Variants in OR4D1 observed in about 807,000 individuals in gnomAD.
OR4D1 encodes the protein olfactory receptor 4D1.
OR4D1 carries 10 observed loss-of-function variants against 14.2 expected under a neutral mutation model. That is an observed-to-expected ratio of 0.71 (90% CI 0.44 to 1.20). The LOEUF (loss-of-function observed/expected upper bound fraction) is 1.20, where lower values mean the gene tolerates loss of function less well. Among genes scored for constraint, OR4D1 ranks in the 50% most tolerant of loss-of-function variants. OR4D1 has a pLI of 0.00. For synonymous variants in OR4D1, 141 were observed against 147.4 expected (o/e 0.96, Z 0.32); for missense variants, 345 against 376.6 (o/e 0.92, Z 0.70).
intron 2 of OR4D1, among the ~76,000 whole-genome samples, chr17:58,151,452 T>C (rs185574756): frequency 1.1e-3 from 169 of 152,292 alleles, no homozygotes; most frequent in African/African-American, 3.4e-3. Flanking sequence ...GTGTGTGTTT[T>C]TTCCCCTCAC....
chr17:58,158,443 A>ACC lies in OR4D1; in HGVS notation c.*2358_*2359insCC, dbSNP rs1967805779. ...ACCATATTTGTTCCTATCTCTCCCC[A>ACC]CGCCCACCCCCCCCCCACACACACA... is the stretch of plus-strand genomic sequence containing the variant. On this transcript the variant is annotated 3_prime_UTR_variant, in exon 4 of 4. Transcript: ENST00000268912. The ACC allele has an allele frequency of 5.5e-5, 5 of 90,706 alleles. No homozygotes were observed. The highest frequency in any genetic ancestry group is 5.1e-4 in the South Asian group (1 of 1,972). The allele number at this position is 90,706 out of a possible 1,614,324, so 5.6% of individuals were successfully genotyped here. A position where few individuals can be genotyped will look rare whatever the true frequency, so the allele number is the denominator to read the frequency against.
Position 58,155,488 on chromosome 17 carries a change from T to C in OR4D1, c.335T>C (p.Val112Ala). Residue 112 changes from valine to alanine, a missense_variant, in exon 4 of 4, where the codon GTC (valine) becomes GCC (alanine). Physicochemically the swap from Val to Ala is moderately conservative, Grantham distance 64. Coordinates refer to ENST00000268912, the MANE Select transcript of OR4D1 (RefSeq NM_001386095.1). ...TTCCACCTTTTGGGAGGTGGGACTGTCTTTTTTCTCTCAGTCATGGCCTAT... is the reference window on the plus strand; with the variant it reads ...TTCCACCTTTTGGGAGGTGGGACTGCCTTTTTTCTCTCAGTCATGGCCTAT... The part of the protein sequence containing the change: ...FFFHLLGGGT[V>A]FFLSVMAYDR... The C allele has an allele frequency of 6.2e-7, 1 of 1,614,206 alleles. No homozygotes were observed. Among genetic ancestry groups the C allele is most frequent in the South Asian group, 1.1e-5 (1 of 91,080 alleles).
At position 58,157,158 on chromosome 17, in the gene OR4D1, T is replaced by C; in HGVS notation, c.*1072T>C. The C allele has an allele frequency of 6.8e-7, 1 of 1,461,318 alleles. No homozygotes were observed. The highest frequency in any genetic ancestry group is 9.1e-7 in the Non-Finnish European group (1 of 1,102,458). The allele number at this position is 1,461,318 out of a possible 1,614,324, so 90.5% of individuals were successfully genotyped here. A position where few individuals can be genotyped will look rare whatever the true frequency, so the allele number is the denominator to read the frequency against. ...GCCCTACAGTGTGGATGCGCTCGTGTCGGACAAGAAGCCGCCCAAGGAGGC... is the reference window on the plus strand; with the variant it reads ...GCCCTACAGTGTGGATGCGCTCGTGCCGGACAAGAAGCCGCCCAAGGAGGC... On this transcript the variant is annotated 3_prime_UTR_variant, in exon 4 of 4. Coordinates refer to ENST00000268912, the MANE Select transcript of OR4D1 (RefSeq NM_001386095.1).
rs1967789871 is a variant in OR4D1, at chr17:58,157,354, C to A, written c.*1268C>A. 4.9e-6 allele frequency: 7 copies of A among 1,422,944 alleles called. No individual in the cohort carries two copies. The Admixed American group carries it at 1.3e-4, about 26-fold the overall frequency. The allele number at this position is 1,422,944 out of a possible 1,614,324, so 88.1% of individuals were successfully genotyped here. ...AGACGGAGCGGCGTGGATGCAGGAA[C>A]CCTGCTGATAATTCGCCGCCGCCAA... On this transcript the variant is annotated 3_prime_UTR_variant, in exon 4 of 4. Coordinates refer to ENST00000268912, the MANE Select transcript of OR4D1 (RefSeq NM_001386095.1).
In OR4D1 at chr17:58,157,898, C is replaced by A; in HGVS notation, c.*1812C>A. 2 of 1,233,230 alleles carry A rather than the reference C, an allele frequency of 1.6e-6. No individual in the cohort carries two copies. The highest frequency in any genetic ancestry group is 2.4e-6 in the Non-Finnish European group (2 of 850,724). 76.4% of individuals were successfully genotyped at this position (1,233,230 alleles called of 1,614,324 possible). ...GGCAGGACCAGCCAATACTCCTGTT[C>A]TGCAAACCCTGAGTGCACCACCCTA... On this transcript the variant is annotated 3_prime_UTR_variant, in exon 4 of 4. Coordinates refer to ENST00000268912, the MANE Select transcript of OR4D1 (RefSeq NM_001386095.1).
rs939908937 is a variant in OR4D1 at position 58,158,452 on chromosome 17, C to CA, written c.*2366_*2367insA. 17 of 139,254 alleles carry CA rather than the reference C, an allele frequency of 1.2e-4. No homozygotes were observed. Among genetic ancestry groups the CA allele is most frequent in the African/African-American group, 3.9e-4 (15 of 38,458 alleles). The allele number at this position is 139,254 out of a possible 1,614,324, so 8.6% of individuals were successfully genotyped here. A position where few individuals can be genotyped will look rare whatever the true frequency, so the allele number is the denominator to read the frequency against. ...GTTCCTATCTCTCCCCACGCCCACC[C>CA]CCCCCCCACACACACATTTTTACAG... On this transcript the variant is annotated 3_prime_UTR_variant, in exon 4 of 4. Coordinates refer to ENST00000268912, the MANE Select transcript of OR4D1 (RefSeq NM_001386095.1).
At position 58,150,448 on chromosome 17, in the gene OR4D1, C is replaced by T. The variant is rs182297087; in HGVS notation, c.-127+652C>T. 5.1e-4 allele frequency among the ~76,000 whole-genome samples: 78 copies of T among 152,194 alleles called. 1 individual carries two copies. Among genetic ancestry groups the T allele is most frequent in the Admixed American group, 1.1e-3 (17 of 15,290 alleles). ...TTTGGCAGTAATTTCAAAGGAAGAA[C>T]GAATATGCCTTGGTGATAATACATG... On this transcript the variant is annotated intron_variant, in intron 2 of 3. Transcript: ENST00000268912.
At position 58,151,843 on chromosome 17, in the gene OR4D1, A is replaced by G. The variant is rs1717284998; in HGVS notation, c.-126-2014A>G. ...AATAATGTGATGAATATCCTTAAGC[A>G]TACATTTTTAAAAATTAGTTTTCAT... On this transcript the variant is annotated intron_variant, in intron 2 of 3. Coordinates refer to ENST00000268912, the MANE Select transcript of OR4D1 (RefSeq NM_001386095.1). Among the ~76,000 whole-genome samples the G allele has an allele frequency of 2.0e-5, 3 of 152,220 alleles. No homozygotes were observed. The South Asian group carries it at 6.2e-4, about 31-fold the overall frequency.
Position 58,157,610 on chromosome 17 carries a change from G to A in OR4D1, c.*1524G>A. 5.0e-6 allele frequency: 8 copies of A among 1,613,782 alleles called. No homozygotes were observed. The highest frequency in any genetic ancestry group is 6.8e-6 in the Non-Finnish European group (8 of 1,179,766). On this transcript the variant is annotated 3_prime_UTR_variant, in exon 4 of 4. Transcript: ENST00000268912. Reference sequence around the variant, plus strand: ...CAAGACGAAAAGACTGCAGGAGTCAGAACTGGAAAAGCTGAAAATGGCTGC... The same window carrying A: ...CAAGACGAAAAGACTGCAGGAGTCAAAACTGGAAAAGCTGAAAATGGCTGC...
In OR4D1 at chr17:58,152,113, C is replaced by T. The variant is rs906993406; in HGVS notation, c.-126-1744C>T. Among the ~76,000 whole-genome samples the T allele has an allele frequency of 2.0e-5, 3 of 152,076 alleles. No homozygotes were observed. The East Asian group carries it at 5.8e-4, about 29-fold the overall frequency. ...TAACTTTTTGGATAATTAGTAAATT[C>T]TAGATACATTTGAATTATTATTATA... On this transcript the variant is annotated intron_variant, in intron 2 of 3. Transcript: ENST00000268912.
chr17:58,157,317 G>A lies in OR4D1; in HGVS notation c.*1231G>A. On this transcript the variant is annotated 3_prime_UTR_variant, in exon 4 of 4. Coordinates refer to ENST00000268912, the MANE Select transcript of OR4D1 (RefSeq NM_001386095.1). ...CTTCGAGACCGCCTCGGTCAAGTGGGAAAACTCCCTAAGACGGAGCGGCGT... is the reference window on the plus strand; with the variant it reads ...CTTCGAGACCGCCTCGGTCAAGTGGAAAAACTCCCTAAGACGGAGCGGCGT... The A allele has an allele frequency of 6.7e-7, 1 of 1,499,522 alleles. No individual in the cohort carries two copies. Among genetic ancestry groups the A allele is most frequent in the Non-Finnish European group, 9.0e-7 (1 of 1,115,200 alleles). The allele number at this position is 1,499,522 out of a possible 1,614,324, so 92.9% of individuals were successfully genotyped here. A position where few individuals can be genotyped will look rare whatever the true frequency, so the allele number is the denominator to read the frequency against.
chr17:58,154,377 T>C lies in OR4D1; in HGVS notation c.-20+414T>C, dbSNP rs758905598. 2.6e-5 allele frequency among the ~76,000 whole-genome samples: 4 copies of C among 151,574 alleles called. No homozygotes were observed. The South Asian group carries it at 8.3e-4, about 31-fold the overall frequency. On this transcript the variant is annotated intron_variant, in intron 3 of 3. Transcript: ENST00000268912. ...AGATTGTCGAGGGATATGTGTATAA[T>C]AGAAAATTCGCATAAATTTTAGAAG...
chr17:58,155,547 T>C lies in OR4D1; in HGVS notation c.394T>C (p.Tyr132His), dbSNP rs1261590947. The C allele has an allele frequency of 6.2e-7, 1 of 1,614,156 alleles. No homozygotes were observed. Among genetic ancestry groups the C allele is most frequent in the Non-Finnish European group, 8.5e-7 (1 of 1,180,020 alleles). Residue 132 changes from tyrosine (Y) to histidine (H), a missense_variant, in exon 4 of 4, where the codon TAT (tyrosine) becomes CAT (histidine). Transcript: ENST00000268912. ...RYIAISQPLR[Y>H]VTIMNTQLCV... ...CATAGCCATCTCCCAGCCCCTCCGG[T>C]ATGTCACCATCATGAACACTCAATT...
rs1967805779 is a variant in OR4D1, at chr17:58,158,443, A to AC, written c.*2358dup. The AC allele has an allele frequency of 5.5e-5, 5 of 90,710 alleles. No homozygotes were observed. The highest frequency in any genetic ancestry group is 7.0e-5 in the African/African-American group (2 of 28,468). The allele number at this position is 90,710 out of a possible 1,614,324, so 5.6% of individuals were successfully genotyped here. ...ACCATATTTGTTCCTATCTCTCCCC[A>AC]CGCCCACCCCCCCCCCACACACACA... On this transcript the variant is annotated 3_prime_UTR_variant, in exon 4 of 4. Coordinates refer to ENST00000268912, the MANE Select transcript of OR4D1 (RefSeq NM_001386095.1).
chr17:58,157,055 G>A lies in OR4D1; in HGVS notation c.*969G>A. 8.0e-7 allele frequency: 1 copy of A among 1,254,606 alleles called. No individual in the cohort carries two copies. Among genetic ancestry groups the A allele is most frequent in the Non-Finnish European group, 1.1e-6 (1 of 904,306 alleles). 77.7% of individuals were successfully genotyped at this position (1,254,606 alleles called of 1,614,324 possible). On this transcript the variant is annotated 3_prime_UTR_variant, in exon 4 of 4. Transcript: ENST00000268912. ...TTTCGTCCAATGAGAAGGGGCCAGCGGTGGCGGTCGGGCCAGGTCCGGGGC... is the reference window on the plus strand; with the variant it reads ...TTTCGTCCAATGAGAAGGGGCCAGCAGTGGCGGTCGGGCCAGGTCCGGGGC...
rs745683840 is a variant in OR4D1, at chr17:58,155,120, A to G, written c.-19-15A>G. The G allele has an allele frequency of 1.6e-5, 23 of 1,470,236 alleles. No homozygotes were observed. Among genetic ancestry groups the G allele is most frequent in the South Asian group, 3.7e-5 (3 of 81,680 alleles). The allele number at this position is 1,470,236 out of a possible 1,614,324, so 91.1% of individuals were successfully genotyped here. On this transcript the variant is annotated splice_polypyrimidine_tract_variant and intron_variant, in intron 3 of 3. Transcript: ENST00000268912. ...TTTTTTTGTTTGTTTGTTTGTTTCAATGGTTTCTCTGTAGGAACGTGGGGG... is the reference window on the plus strand; with the variant it reads ...TTTTTTTGTTTGTTTGTTTGTTTCAGTGGTTTCTCTGTAGGAACGTGGGGG...
In OR4D1 at chr17:58,156,311, TG is replaced by T. The variant is rs1967773518; in HGVS notation, c.*226del. ...TGTCACCCAGGCTGGAGTGCAGTGGTGCAGTCTAGGCTCACTGCAACCTCCA... is the reference window on the plus strand; with the variant it reads ...TGTCACCCAGGCTGGAGTGCAGTGGTCAGTCTAGGCTCACTGCAACCTCCA... On this transcript the variant is annotated 3_prime_UTR_variant, in exon 4 of 4. Transcript: ENST00000268912. 2.1e-6 allele frequency: 1 copy of T among 481,752 alleles called. No homozygotes were observed. Among genetic ancestry groups the T allele is most frequent in the African/African-American group, 2.0e-5 (1 of 50,906 alleles). 29.8% of individuals were successfully genotyped at this position (481,752 alleles called of 1,614,324 possible).
Position 58,157,060 on chromosome 17 carries a change from CG to C in OR4D1, c.*976del. The C allele has an allele frequency of 6.9e-6, 9 of 1,306,894 alleles. No homozygotes were observed. Among genetic ancestry groups the C allele is most frequent in the Non-Finnish European group, 9.4e-6 (9 of 954,528 alleles). The allele number at this position is 1,306,894 out of a possible 1,614,324, so 81.0% of individuals were successfully genotyped here. A position where few individuals can be genotyped will look rare whatever the true frequency, so the allele number is the denominator to read the frequency against. ...TCCAATGAGAAGGGGCCAGCGGTGGCGGTCGGGCCAGGTCCGGGGCCTGGGG... is the reference window on the plus strand; with the variant it reads ...TCCAATGAGAAGGGGCCAGCGGTGGCGTCGGGCCAGGTCCGGGGCCTGGGG... On this transcript the variant is annotated 3_prime_UTR_variant, in exon 4 of 4. Coordinates refer to ENST00000268912, the MANE Select transcript of OR4D1 (RefSeq NM_001386095.1).
chr17:58,156,251 TTTC>T lies in OR4D1; in HGVS notation c.*168_*170del. On this transcript the variant is annotated 3_prime_UTR_variant, in exon 4 of 4. Transcript: ENST00000268912. ...CTGTGTTAAGCACTTCCACGCTTTT[TTTC>T]TTTTTTTTTTTTTTTAGATGGAGCC... The T allele has an allele frequency of 5.0e-6, 3 of 598,718 alleles. No homozygotes were observed. The highest frequency in any genetic ancestry group is 8.6e-6 in the Non-Finnish European group (3 of 348,348). 37.1% of individuals were successfully genotyped at this position (598,718 alleles called of 1,614,324 possible).
Sources: allele counts gnomAD v4.1 joint callset (sites outside exome capture counted in the v4.1 genomes callset), GRCh38; gene constraint gnomAD v4.1.1; transcripts MANE v1.5; gene names NCBI Gene and HGNC (gene_info 2026-07-23, HGNC 2026-07-21).